The following LDB2 variants were observed in gnomAD, a reference collection of about 807,000 sequenced individuals.
LDB2 encodes the protein LIM domain-binding protein 2.
Under a neutral mutation model 44.3 loss-of-function variants are expected in LDB2, and 12 were observed. The observed-to-expected ratio is 0.27, with a 90% CI of 0.17 to 0.44. LDB2 has a LOEUF of 0.44. LDB2 is among the 20% of genes least tolerant of loss of function. The pLI, the probability that LDB2 is intolerant of heterozygous loss-of-function variation, is 1.00. For missense variants in LDB2, 344 were observed against 473.5 expected, an observed-to-expected ratio of 0.73 and a Z score of 2.54; for synonymous variants, 164 against 174.8, an observed-to-expected ratio of 0.94 and a Z score of 0.49.
chr4:16,555,568 T>G (rs1020757002), intron 5 of LDB2, among the ~76,000 whole-genome samples: 16 of 152,342 alleles, frequency 1.1e-4, no homozygotes, highest in Middle Eastern at 3.4e-3. Flanking sequence ...TCTAAGCCTT[T>G]GCACATTCTG....
intron 1 of LDB2, 161 bp from the exon 2 acceptor site, chr4:16,759,421 A>T: frequency 1.7e-6 from 1 of 583,786 alleles, no homozygotes; most frequent in Non-Finnish European, 3.0e-6. Context: ...TCACTCTTCA[A>T]ATTAATTGCC....
chr4:16,680,411 C>T (rs2152567125), intron 2 of LDB2, among the ~76,000 whole-genome samples: 1 of 152,316 alleles, frequency 6.6e-6, no homozygotes, highest in Non-Finnish European at 1.5e-5. Context: ...CCACCTCTGG[C>T]AAAGAGCATA....
chr4:16,564,881 G>T (rs1743923378), intron 5 of LDB2, among the ~76,000 whole-genome samples: 1 of 152,066 alleles, frequency 6.6e-6, no homozygotes, highest in African/African-American at 2.4e-5. Flanking sequence ...AGAAAAAAAA[G>T]AATATTACCC....
chr4:16,831,366 T>C (rs1784053039), intron 1 of LDB2, among the ~76,000 whole-genome samples: 1 of 151,960 alleles, frequency 6.6e-6, no homozygotes, highest in South Asian at 2.1e-4. Context: ...AGGTTTTCTT[T>C]TGAGTAATAT....
chr4:16,710,363 C>A (rs1271350325), intron 2 of LDB2, among the ~76,000 whole-genome samples: 6 of 152,146 alleles, frequency 3.9e-5, no homozygotes, highest in Non-Finnish European at 8.8e-5. Flanking sequence ...GTCAAATCAA[C>A]CGACAGCTTT....
At position 16,682,227 on chromosome 4, in the gene LDB2, A is replaced by T. The variant is rs546077322; in HGVS notation, c.235+76931T>A. Among the ~76,000 whole-genome samples, 49 of 152,286 alleles carry T rather than the reference A, an allele frequency of 3.2e-4. No individual in the cohort carries two copies. In the South Asian group the frequency reaches 9.8e-3, roughly 30 times the overall value. On this transcript the variant is annotated intron_variant, in intron 2 of 7. Coordinates refer to ENST00000304523, the MANE Select transcript of LDB2 (RefSeq NM_001290.5). ...AGGGAAAAAGCAAAGCCTTAGAAAC[A>T]AGTCAAAAAGTAACTAGTTAAAATT...
At chr4:16,630,166 A>C (rs1407513862) in intron 2 of LDB2, among the ~76,000 whole-genome samples, 1 of 152,210 alleles carries the variant, frequency 6.6e-6, no homozygotes, top group Non-Finnish European at 1.5e-5. Flanking sequence ...ATGAAGGAAA[A>C]AATGTTAAAG....
intron 2 of LDB2, among the ~76,000 whole-genome samples, chr4:16,649,011 T>C (rs1053424994): frequency 1.3e-5 from 2 of 152,336 alleles, no homozygotes; most frequent in African/African-American, 2.4e-5. Context: ...GGTTTAAAAA[T>C]GTATGATCCC....
chr4:16,799,044 C>T (rs947908908), intron 1 of LDB2, among the ~76,000 whole-genome samples: 3 of 151,980 alleles, frequency 2.0e-5, no homozygotes, highest in South Asian at 4.2e-4. Context: ...TAGTAGAGAC[C>T]GGGTTTCACC....
intron 7 of LDB2, 103 bp from the exon 8 acceptor site, chr4:16,502,976 G>A (rs898872996): frequency 1.3e-5 from 21 of 1,604,494 alleles, no homozygotes; most frequent in African/African-American, 2.7e-5. Flanking sequence ...AGACACACTC[G>A]TGTACTGTAC....
At chr4:16,740,505 A>G (rs374449210) in intron 2 of LDB2, among the ~76,000 whole-genome samples, 9 of 152,222 alleles carry the variant, frequency 5.9e-5, no homozygotes, top group African/African-American at 2.2e-4. Context: ...TTGTCCCTCC[A>G]TATCCTTTGC....
chr4:16,777,927 T>C (rs1017920181), intron 1 of LDB2, among the ~76,000 whole-genome samples: 1 of 152,166 alleles, frequency 6.6e-6, no homozygotes, highest in African/African-American at 2.4e-5. Flanking sequence ...CTGACTGGGA[T>C]TTATTGCTGG....
chr4:16,853,958 C>T (rs2110204584), intron 1 of LDB2, among the ~76,000 whole-genome samples: 1 of 152,056 alleles, frequency 6.6e-6, no homozygotes, highest in African/African-American at 2.4e-5. Context: ...CATAATAAAA[C>T]AGTAGTTACC....
intron 2 of LDB2, among the ~76,000 whole-genome samples, chr4:16,652,452 T>G (rs1738552705): frequency 6.6e-6 from 1 of 152,126 alleles, no homozygotes; most frequent in Non-Finnish European, 1.5e-5. Flanking sequence ...AGTTGCCGAG[T>G]GAGAAGCCCT....
At chr4:16,622,144 TG>T (rs1346752289) in intron 2 of LDB2, among the ~76,000 whole-genome samples, 1 of 152,210 alleles carries the variant, frequency 6.6e-6, no homozygotes, top group Non-Finnish European at 1.5e-5. Context: ...GAATAATCAG[TG>T]GAATAGTGAA....
intron 2 of LDB2, among the ~76,000 whole-genome samples, chr4:16,728,707 T>C (rs947627838): frequency 1.3e-5 from 2 of 152,358 alleles, no homozygotes; most frequent in African/African-American, 2.4e-5. Flanking sequence ...GCTTGATAGA[T>C]GATCTAGAGC....
intron 2 of LDB2, among the ~76,000 whole-genome samples, chr4:16,637,430 C>T (rs908696973): frequency 6.7e-6 from 1 of 149,332 alleles, no homozygotes; most frequent in African/African-American, 2.5e-5. Flanking sequence ...GATGTGGCCA[C>T]ATAGTAAAGT....
intron 1 of LDB2, among the ~76,000 whole-genome samples, chr4:16,822,085 A>G (rs1445427394): frequency 6.6e-6 from 1 of 150,394 alleles, no homozygotes; most frequent in East Asian, 2.0e-4. Flanking sequence ...TAAAATGGAC[A>G]TCAAAAGAAG....
intron 1 of LDB2, among the ~76,000 whole-genome samples, chr4:16,897,914 A>ATATATATATATATATACACATATG (rs1725633907): frequency 5.0e-4 from 8 of 16,104 alleles, no homozygotes; most frequent in Non-Finnish European, 6.8e-4. Flanking sequence ...ATATATATAT[A>ATATATATATATATATACACATATG]TATATATATA....
Sources: gnomAD v4.1 joint callset for allele counts (sites outside exome capture counted in the v4.1 genomes callset) on GRCh38, gnomAD v4.1.1 for gene constraint, MANE v1.5 for transcripts, NCBI Gene and HGNC (gene_info 2026-07-23, HGNC 2026-07-21) for gene names.